Variants in MAD1L1 observed in about 807,000 individuals in gnomAD.
MAD1L1 encodes the protein mitotic arrest deficient 1 like 1, also known as mitotic spindle assembly checkpoint protein MAD1.
In MAD1L1, 95 loss-of-function variants were observed where a neutral mutation model predicts 96.9. The ratio of observed to expected loss-of-function variants is 0.98; its 90% confidence interval spans 0.83 to 1.16. The LOEUF (loss-of-function observed/expected upper bound fraction) is 1.16. MAD1L1 is among the 50% of genes most tolerant of loss of function. The pLI, the probability that MAD1L1 is intolerant of heterozygous loss-of-function variation, is 0.00. For synonymous variants in MAD1L1, 473 were observed against 396.6 expected (o/e 1.19, Z -2.29); for missense variants, 1,007 against 954.4 (o/e 1.06, Z -0.73).
At chr7:1,976,379 G>A (rs558218805) in intron 15 of MAD1L1, among the ~76,000 whole-genome samples, 2 of 152,354 alleles carry the variant, frequency 1.3e-5, no homozygotes, top group South Asian at 4.1e-4. Flanking sequence ...GCTGGCTTCA[G>A]GAGTGAAGCT....
chr7:1,910,919 G>T (rs2128450084), intron 17 of MAD1L1, among the ~76,000 whole-genome samples: 1 of 152,332 alleles, frequency 6.6e-6, no homozygotes, highest in South Asian at 2.1e-4. Context: ...GCGATGTGGG[G>T]CCACAGTGTC....
At chr7:2,012,390 C>A (rs1182947269) in intron 13 of MAD1L1, among the ~76,000 whole-genome samples, 1 of 152,202 alleles carries the variant, frequency 6.6e-6, no homozygotes, top group African/African-American at 2.4e-5. Context: ...AGACCCTCCC[C>A]GCAAATCTCT....
chr7:2,001,966 A>G, intron 14 of MAD1L1, 99 bp downstream of exon 14: 3 of 1,269,524 alleles, frequency 2.4e-6, no homozygotes, highest in Non-Finnish European at 3.4e-6. Flanking sequence ...GCAGCCATGC[A>G]CTGGCGCCTG....
chr7:2,170,564 C>T lies in MAD1L1; in HGVS notation c.987-21326G>A, dbSNP rs1489158237. Among the ~76,000 whole-genome samples, 4 of 152,246 alleles carry T rather than the reference C, an allele frequency of 2.6e-5. No homozygotes were observed. The East Asian group carries it at 7.7e-4, about 29-fold the overall frequency. ...AGACATGAGGACTTCATCGTGACAT[C>T]GGCAGGGACAGACAAACAGCTTTGA... On this transcript the variant is annotated intron_variant, in intron 10 of 18. Coordinates refer to ENST00000265854, the MANE Select transcript of MAD1L1 (RefSeq NM_001013836.2).
intron 12 of MAD1L1, among the ~76,000 whole-genome samples, chr7:2,056,816 T>C (rs549791420): frequency 1.3e-5 from 2 of 152,330 alleles, no homozygotes; most frequent in Non-Finnish European, 2.9e-5. Flanking sequence ...ACACAGGCTG[T>C]GCTAACGCCA....
intron 10 of MAD1L1, among the ~76,000 whole-genome samples, chr7:2,179,382 G>T (rs1791083757): frequency 6.6e-6 from 1 of 151,912 alleles, no homozygotes; most frequent in Non-Finnish European, 1.5e-5. Flanking sequence ...ATAAAAATTA[G>T]CCGGGCATGG....
chr7:1,978,641 C>G (rs986482896), intron 15 of MAD1L1, among the ~76,000 whole-genome samples: 1 of 152,114 alleles, frequency 6.6e-6, no homozygotes, highest in African/African-American at 2.4e-5. Flanking sequence ...CAGCCCCCAA[C>G]CCCATCAACC....
intron 18 of MAD1L1, among the ~76,000 whole-genome samples, chr7:1,896,162 C>G (rs763730600): frequency 3.3e-5 from 5 of 152,214 alleles, no homozygotes; most frequent in Admixed American, 6.5e-5. Context: ...TCCTGCCTCT[C>G]CCTGACCTCA....
chr7:2,157,154 C>T (rs1472208025), intron 10 of MAD1L1, among the ~76,000 whole-genome samples: 2 of 152,218 alleles, frequency 1.3e-5, no homozygotes, highest in Non-Finnish European at 2.9e-5. Flanking sequence ...GACTTTTGAT[C>T]ATTTGATATA....
intron 16 of MAD1L1, among the ~76,000 whole-genome samples, chr7:1,951,159 C>T (rs1374311368): frequency 6.6e-6 from 1 of 152,386 alleles, no homozygotes; most frequent in East Asian, 1.9e-4. Context: ...ACAGCCTCTG[C>T]TATCCCAGTC....
At chr7:1,876,502 T>C (rs1038842375) in intron 18 of MAD1L1, among the ~76,000 whole-genome samples, 1 of 151,986 alleles carries the variant, frequency 6.6e-6, no homozygotes, top group Non-Finnish European at 1.5e-5. Flanking sequence ...GCTACAATAC[T>C]TGAATGATTG....
chr7:2,204,928 A>G lies in MAD1L1; in HGVS notation c.986+8284T>C, dbSNP rs576691989. On this transcript the variant is annotated intron_variant, in intron 10 of 18. Coordinates refer to ENST00000265854, the MANE Select transcript of MAD1L1 (RefSeq NM_001013836.2). ...GGCCTGGCTGCTCTGCATCTCTGCC[A>G]GCAGTCAGGATGGTCAGTCTGCTTA... 5.6e-4 allele frequency among the ~76,000 whole-genome samples: 85 copies of G among 152,336 alleles called. 1 individual carries two copies. Among genetic ancestry groups the G allele is most frequent in the African/African-American group, 1.9e-3 (81 of 41,558 alleles).
intron 10 of MAD1L1, among the ~76,000 whole-genome samples, chr7:2,202,866 T>C (rs1417381270): frequency 1.3e-5 from 2 of 152,152 alleles, no homozygotes; most frequent in African/African-American, 2.4e-5. Flanking sequence ...GCCTCACACA[T>C]CAGGGAAGCT....
intron 14 of MAD1L1, among the ~76,000 whole-genome samples, chr7:1,990,158 G>C (rs1310476949): frequency 1.3e-5 from 2 of 152,240 alleles, no homozygotes; most frequent in Non-Finnish European, 2.9e-5. Context: ...CTGAGTCTCA[G>C]CTGCAACCTG....
At chr7:2,038,423 AGAGG>A (rs944492264) in intron 12 of MAD1L1, among the ~76,000 whole-genome samples, 3 of 151,078 alleles carry the variant, frequency 2.0e-5, no homozygotes, top group African/African-American at 7.3e-5. Flanking sequence ...TTACAGTTAC[AGAGG>A]AGAAGTCGAT....
intron 11 of MAD1L1, among the ~76,000 whole-genome samples, chr7:2,126,663 T>C (rs1788247664): frequency 6.6e-6 from 1 of 152,170 alleles, no homozygotes; most frequent in Non-Finnish European, 1.5e-5. Flanking sequence ...CCCAGGAGCA[T>C]CTCTGGGGAC....
At position 1,927,445 on chromosome 7, in the gene MAD1L1, A is replaced by G. The variant is rs368540975; in HGVS notation, c.1807+9242T>C. On this transcript the variant is annotated intron_variant, in intron 17 of 18. Coordinates refer to ENST00000265854, the MANE Select transcript of MAD1L1 (RefSeq NM_001013836.2). ...ATTTCGAGACTTACTACGAAGCTAC[A>G]GTAATCAATACCGTGGGGTGTTATT... Among the ~76,000 whole-genome samples, 64 of 152,348 alleles carry G rather than the reference A, an allele frequency of 4.2e-4. No individual in the cohort carries two copies. In the South Asian group the frequency reaches 0.011, roughly 27 times the overall value.
chr7:1,941,075 T>C (rs941825965), intron 16 of MAD1L1, among the ~76,000 whole-genome samples: 1 of 87,520 alleles, frequency 1.1e-5, no homozygotes, highest in African/African-American at 5.0e-5. Flanking sequence ...GTAGTGACCA[T>C]CCTAGAGGCT....
chr7:1,936,252 A>AT (rs1778594666), intron 17 of MAD1L1, among the ~76,000 whole-genome samples: 1 of 152,212 alleles, frequency 6.6e-6, no homozygotes, highest in African/African-American at 2.4e-5. Context: ...GCTGGCCCTC[A>AT]TGGAGGCCTC....
Sources: allele counts gnomAD v4.1 joint callset (sites outside exome capture counted in the v4.1 genomes callset), GRCh38; gene constraint gnomAD v4.1.1; transcripts MANE v1.5; gene names NCBI Gene and HGNC (gene_info 2026-07-23, HGNC 2026-07-21).